MYO9A: variants seen among roughly 807,000 people sequenced by gnomAD.
MYO9A encodes myosin IXA.
MYO9A carries 103 observed loss-of-function variants against 293.3 expected under a neutral mutation model. The observed-to-expected ratio is 0.35, with a 90% CI of 0.30 to 0.41. MYO9A has a LOEUF of 0.41. MYO9A is among the 10% of genes least tolerant of loss of function. The probability of loss-of-function intolerance (pLI) is 1.00; values close to 1 mark genes in which losing one functional copy is unlikely to be tolerated. For missense variants in MYO9A, 2,685 were observed against 3,033.0 expected (o/e 0.89, Z 2.69); for synonymous variants, 1,001 against 1,035.7 (o/e 0.97, Z 0.64).
chr15:72,003,057 G>A (rs1201294310), intron 8 of MYO9A, among the ~76,000 whole-genome samples: 1 of 151,784 alleles, frequency 6.6e-6, no homozygotes, highest in Non-Finnish European at 1.5e-5. Flanking sequence ...ATCACCTTAA[G>A]TCAGGAGTTC....
chr15:72,046,210 A>G lies in MYO9A; in HGVS notation c.354T>C (p.Tyr118=), dbSNP rs2149690741. The change falls in exon 2 of 42, where the codon TAT becomes TAC. Residue 118 remains tyrosine, a synonymous_variant. Coordinates refer to ENST00000356056, the MANE Select transcript of MYO9A (RefSeq NM_006901.4). ...REKNLDGSIH[Y]GSLQSWLRVT... Reference sequence around the variant, plus strand: ...CCCGTAGCCATGACTGCAGGCTACCATAATGGATTGATCCATCAAGGTTTT... The same window carrying G: ...CCCGTAGCCATGACTGCAGGCTACCGTAATGGATTGATCCATCAAGGTTTT... 2 of 1,614,108 alleles carry G rather than the reference A, an allele frequency of 1.2e-6. No homozygotes were observed. The highest frequency in any genetic ancestry group is 4.5e-5 in the East Asian group (2 of 44,874).
chr15:71,997,277 C>T (rs970474654), intron 9 of MYO9A, among the ~76,000 whole-genome samples: 2 of 151,966 alleles, frequency 1.3e-5, no homozygotes, highest in African/African-American at 2.4e-5. Flanking sequence ...GCACATTTCT[C>T]GGCACAAAAA....
At chr15:71,899,070 T>A in intron 24 of MYO9A, 38 bp from the exon 25 acceptor site, 2 of 1,467,802 alleles carry the variant, frequency 1.4e-6, no homozygotes, top group African/African-American at 2.8e-5. Flanking sequence ...TAGAAATATC[T>A]TAGTTACCAC....
At chr15:71,831,950 A>G (rs573106881) in intron 39 of MYO9A, among the ~76,000 whole-genome samples, 2 of 152,316 alleles carry the variant, frequency 1.3e-5, no homozygotes, top group East Asian at 3.9e-4. Context: ...ACCAAGCAGG[A>G]AGAAACAAAA....
chr15:72,100,984 C>CA (rs1464841538), intron 1 of MYO9A, among the ~76,000 whole-genome samples: 1 of 133,034 alleles, frequency 7.5e-6, no homozygotes, highest in Non-Finnish European at 1.7e-5. Flanking sequence ...GGTCAGCCCC[C>CA]CGCCTGGCCA....
chr15:71,920,539 A>G (rs2058129211), intron 18 of MYO9A, among the ~76,000 whole-genome samples: 1 of 152,214 alleles, frequency 6.6e-6, no homozygotes, highest in South Asian at 2.1e-4. Flanking sequence ...TGCCTCTTAC[A>G]CTGTAATATA....
intron 25 of MYO9A, 163 bp downstream of exon 25, chr15:71,897,298 A>C: frequency 1.4e-6 from 1 of 737,194 alleles, no homozygotes; most frequent in Non-Finnish European, 2.2e-6. Context: ...ACTACATCCA[A>C]CTTCAGGTGA....
At chr15:71,828,821 A>G (rs1212258709) in intron 40 of MYO9A, among the ~76,000 whole-genome samples, 1 of 152,158 alleles carries the variant, frequency 6.6e-6, no homozygotes, top group African/African-American at 2.4e-5. Flanking sequence ...TATCTAAGCT[A>G]CTTTCTCCAA....
intron 31 of MYO9A, among the ~76,000 whole-genome samples, chr15:71,877,718 A>G (rs141759045): frequency 3.9e-5 from 6 of 152,294 alleles, no homozygotes; most frequent in African/African-American, 7.2e-5. Flanking sequence ...TAGGCCTCCC[A>G]AAGTGCTGGG....
intron 1 of MYO9A, among the ~76,000 whole-genome samples, chr15:72,066,357 G>A (rs572743525): frequency 4.9e-4 from 75 of 152,060 alleles, no homozygotes; most frequent in African/African-American, 1.4e-3. Flanking sequence ...GTGGTGGTGC[G>A]TGCCTCTAGT....
intron 1 of MYO9A, among the ~76,000 whole-genome samples, chr15:72,106,217 C>G (rs1273942868): frequency 6.6e-6 from 1 of 152,094 alleles, no homozygotes; most frequent in Non-Finnish European, 1.5e-5. Context: ...ATGACTCATG[C>G]CTGTAATCTC....
chr15:72,065,463 T>G (rs2150065569), intron 1 of MYO9A, among the ~76,000 whole-genome samples: 1 of 144,052 alleles, frequency 6.9e-6, no homozygotes, highest in South Asian at 2.2e-4. Context: ...TGCAGTGAGC[T>G]GAGATCACGC....
chr15:72,018,250 T>G (rs2077398999), intron 6 of MYO9A, among the ~76,000 whole-genome samples: 1 of 152,028 alleles, frequency 6.6e-6, no homozygotes. Context: ...GGCAGATCAC[T>G]TGAGGCCATG....
chr15:72,003,263 C>A (rs1405433197), intron 8 of MYO9A, among the ~76,000 whole-genome samples: 1 of 146,844 alleles, frequency 6.8e-6, no homozygotes, highest in Non-Finnish European at 1.5e-5. Context: ...GAGCAAAATA[C>A]CGTCTCAAAA....
Position 71,898,066 on chromosome 15 carries a change from A to T in MYO9A, c.4437T>A (p.Asn1479Lys). The T allele has an allele frequency of 6.2e-7, 1 of 1,614,120 alleles. No homozygotes were observed. Residue 1479 changes from asparagine (N) to lysine (K), a missense_variant, in exon 25 of 42, where the codon AAT becomes AAA. Asn to Lys is a moderately conservative substitution (Grantham distance 94, BLOSUM62 0). Transcript: ENST00000356056. ...SGKDQIVPSL[N>K]TESSNPVLKK... ...TAAGCACAGGATTAGAAGACTCTGT[A>T]TTCAAAGAAGGAACAATCTGATCTT...
At chr15:71,840,707 G>T (rs1596002941) in intron 39 of MYO9A, among the ~76,000 whole-genome samples, 1 of 152,230 alleles carries the variant, frequency 6.6e-6, no homozygotes, top group African/African-American at 2.4e-5. Flanking sequence ...TAGGCTCACT[G>T]CAAGCTCTGC....
chr15:71,836,981 T>G (rs2140895553), intron 39 of MYO9A, among the ~76,000 whole-genome samples: 1 of 151,774 alleles, frequency 6.6e-6, no homozygotes. Flanking sequence ...AATATGTTTC[T>G]GTGTTTTGTA....
intron 39 of MYO9A, among the ~76,000 whole-genome samples, chr15:71,838,981 G>C (rs1429772579): frequency 6.6e-6 from 1 of 152,098 alleles, no homozygotes; most frequent in Non-Finnish European, 1.5e-5. Context: ...GAGATACTGG[G>C]ACCCCTGACT....
At chr15:71,945,271 C>T (rs764491124) in intron 15 of MYO9A, among the ~76,000 whole-genome samples, 2 of 152,168 alleles carry the variant, frequency 1.3e-5, no homozygotes, top group Non-Finnish European at 2.9e-5. Flanking sequence ...TAGTTGGTGA[C>T]AAGCCTCAGT....
Sources: gnomAD v4.1 joint callset for allele counts (sites outside exome capture counted in the v4.1 genomes callset) on GRCh38, gnomAD v4.1.1 for gene constraint, MANE v1.5 for transcripts, NCBI Gene and HGNC (gene_info 2026-07-23, HGNC 2026-07-21) for gene names.